Variants in RTKN2 observed in about 807,000 individuals in gnomAD.
RTKN2 encodes rhotekin-2.
RTKN2 carries 69 observed loss-of-function variants against 71.5 expected under a neutral mutation model. The ratio of observed to expected loss-of-function variants is 0.96; its 90% CI spans 0.79 to 1.18. The LOEUF is 1.18. Among genes scored for constraint, RTKN2 ranks in the 50% most tolerant of loss-of-function variants. The pLI is 0.00. For missense variants in RTKN2, 724 were observed against 719.7 expected, an observed-to-expected ratio of 1.01 and a Z score of -0.07; for synonymous variants, 236 against 236.5, an observed-to-expected ratio of 1.00 and a Z score of 0.02.
At chr10:62,186,148 G>C (rs1269114747) in intron 8 of RTKN2, among the ~76,000 whole-genome samples, 2 of 152,324 alleles carry the variant, frequency 1.3e-5, no homozygotes, top group African/African-American at 4.8e-5. Flanking sequence ...GCCTTTGTTT[G>C]CTCCATGCCT....
At chr10:62,234,888 A>G (rs1311169459) in intron 6 of RTKN2, among the ~76,000 whole-genome samples, 3 of 152,214 alleles carry the variant, frequency 2.0e-5, no homozygotes, top group Admixed American at 6.5e-5. Context: ...CAATTTTAAC[A>G]TTACTGAAAG....
chr10:62,227,227 A>G (rs1018377026), intron 6 of RTKN2, among the ~76,000 whole-genome samples: 26 of 152,302 alleles, frequency 1.7e-4, no homozygotes, highest in African/African-American at 6.3e-4. Flanking sequence ...TTATACAGGA[A>G]GAAAAATAGA....
intron 6 of RTKN2, among the ~76,000 whole-genome samples, chr10:62,233,631 G>GT (rs1364481464): frequency 3.9e-5 from 6 of 152,012 alleles, no homozygotes; most frequent in Non-Finnish European, 7.4e-5. Context: ...ATTGTAAATA[G>GT]TAAGGGTTAA....
chr10:62,223,493 A>C (rs1016085051), intron 6 of RTKN2, among the ~76,000 whole-genome samples, 161 bp from the exon 7 acceptor site: 3 of 152,184 alleles, frequency 2.0e-5, no homozygotes, highest in African/African-American at 7.2e-5. Flanking sequence ...CCAGCATTAC[A>C]TTCTGACACA....
At chr10:62,255,800 G>C (rs1373847081) in intron 2 of RTKN2, among the ~76,000 whole-genome samples, 1 of 152,174 alleles carries the variant, frequency 6.6e-6, no homozygotes, top group Non-Finnish European at 1.5e-5. Flanking sequence ...TTACCTGGTG[G>C]TAAGACCAGA....
At chr10:62,224,345 T>A (rs113145381) in intron 6 of RTKN2, among the ~76,000 whole-genome samples, 4 of 143,484 alleles carry the variant, frequency 2.8e-5, no homozygotes, top group African/African-American at 5.1e-5. Context: ...AAAGAAAAAA[T>A]TTAGATATAA....
At chr10:62,213,839 C>A (rs751267146) in intron 9 of RTKN2, among the ~76,000 whole-genome samples, 2 of 151,558 alleles carry the variant, frequency 1.3e-5, no homozygotes, top group Non-Finnish European at 2.9e-5. Flanking sequence ...ACATTTGAAT[C>A]ATTTTGTAAG....
chr10:62,253,313 G>A (rs781690321), intron 2 of RTKN2, among the ~76,000 whole-genome samples: 2 of 152,128 alleles, frequency 1.3e-5, no homozygotes, highest in Admixed American at 6.5e-5. Flanking sequence ...CGCAAGTACC[G>A]AATGTACCAA....
rs1286803165 is a variant in RTKN2 at position 62,193,470 on chromosome 10, TGTAAAG to T, written c.*4432_*4437del. On this transcript the variant is annotated 3_prime_UTR_variant, in exon 12 of 12. Transcript: ENST00000373789. ...GTAACTTTTTTTGTTGTTAATTGAA[TGTAAAG>T]GTAGTTTGTTTCTCTAAGCACATTG... The T allele has an allele frequency of 4.1e-6, 4 of 983,000 alleles. No individual in the cohort carries two copies. Among genetic ancestry groups the T allele is most frequent in the East Asian group, 1.1e-4 (1 of 8,810 alleles). The allele number at this position is 983,000 out of a possible 1,614,324, so 60.9% of individuals were successfully genotyped here. A position where few individuals can be genotyped will look rare whatever the true frequency, so the allele number is the denominator to read the frequency against.
At chr10:62,255,329 A>C (rs1842654954) in intron 2 of RTKN2, among the ~76,000 whole-genome samples, 2 of 152,212 alleles carry the variant, frequency 1.3e-5, no homozygotes, top group Non-Finnish European at 2.9e-5. Flanking sequence ...TTTGGCATTC[A>C]AAATATGATT....
Position 62,197,674 on chromosome 10 carries a change from T to C in RTKN2, c.*234A>G. 1 of 1,317,298 alleles carries C rather than the reference T, an allele frequency of 7.6e-7. No homozygotes were observed. The highest frequency in any genetic ancestry group is 9.6e-7 in the Non-Finnish European group (1 of 1,036,792). 81.6% of individuals were successfully genotyped at this position (1,317,298 alleles called of 1,614,324 possible). On this transcript the variant is annotated 3_prime_UTR_variant, in exon 12 of 12. Transcript: ENST00000373789. ...ATTAACCCTTCCAACAATTAGGATATTGTCTAGAAACTGCCTCTTGCACAC... is the reference window on the plus strand; with the variant it reads ...ATTAACCCTTCCAACAATTAGGATACTGTCTAGAAACTGCCTCTTGCACAC...
At chr10:62,246,079 T>G (rs368503161) in intron 2 of RTKN2, 22 bp from the exon 3 acceptor site, 2 of 1,499,250 alleles carry the variant, frequency 1.3e-6, no homozygotes, top group Non-Finnish European at 1.8e-6. Flanking sequence ...AAAAAACTTA[T>G]GGAAAAAAGA....
Position 62,193,717 on chromosome 10 carries a change from C to T in RTKN2, c.*4191G>A. 7 of 985,122 alleles carry T rather than the reference C, an allele frequency of 7.1e-6. No individual in the cohort carries two copies. Among genetic ancestry groups the T allele is most frequent in the Non-Finnish European group, 8.4e-6 (7 of 829,734 alleles). The allele number at this position is 985,122 out of a possible 1,614,324, so 61.0% of individuals were successfully genotyped here. ...TAGTAGCGACTGAATATCCTACGTACCTAATTTACTGCAGTGGCTTAAGCT... is the reference window on the plus strand; with the variant it reads ...TAGTAGCGACTGAATATCCTACGTATCTAATTTACTGCAGTGGCTTAAGCT... On this transcript the variant is annotated 3_prime_UTR_variant, in exon 12 of 12. Coordinates refer to ENST00000373789, the MANE Select transcript of RTKN2 (RefSeq NM_145307.4).
In RTKN2 at chr10:62,268,816, C is replaced by G. The variant is rs1408881849; in HGVS notation, c.-206G>C. The G allele has an allele frequency of 1.8e-5, 10 of 549,464 alleles. No individual in the cohort carries two copies. The highest frequency in any genetic ancestry group is 3.2e-5 in the Non-Finnish European group (10 of 317,342). 34.0% of individuals were successfully genotyped at this position (549,464 alleles called of 1,614,324 possible). On this transcript the variant is annotated 5_prime_UTR_variant, in exon 1 of 12. Transcript: ENST00000373789. ...TGCAGCTCCCGCCGCCGGAAGTTGC[C>G]GAGACCCCAGGCTCTAGCGCGGCGG...
intron 9 of RTKN2, chr10:62,214,979 A>C: frequency 2.4e-6 from 2 of 828,830 alleles, no homozygotes; most frequent in Non-Finnish European, 3.8e-6. Context: ...TTCACTTGTA[A>C]AAGAAATAAT....
At chr10:62,256,958 C>CA (rs996360397) in intron 2 of RTKN2, among the ~76,000 whole-genome samples, 70 of 145,260 alleles carry the variant, frequency 4.8e-4, no homozygotes, top group African/African-American at 1.2e-3. Context: ...AAGAAGGTGA[C>CA]AAAAAAAAAA....
At chr10:62,217,569 T>C (rs1347125533) in intron 8 of RTKN2, among the ~76,000 whole-genome samples, 1 of 152,198 alleles carries the variant, frequency 6.6e-6, no homozygotes, top group Non-Finnish European at 1.5e-5. Flanking sequence ...CTTAGAATTC[T>C]ATAGCAATTC....
At chr10:62,224,037 C>T (rs191852704) in intron 6 of RTKN2, among the ~76,000 whole-genome samples, 91 of 152,172 alleles carry the variant, frequency 6.0e-4, no homozygotes, top group African/African-American at 2.0e-3. Context: ...AAAATTCTGA[C>T]ATACTACGAC....
downstream of RTKN2, among the ~76,000 whole-genome samples, chr10:62,191,343 C>T (rs1407405481): frequency 6.6e-6 from 1 of 152,154 alleles, no homozygotes; most frequent in African/African-American, 2.4e-5. Flanking sequence ...CAAGGTTTCA[C>T]TACATTGCCC....
Sources: allele counts gnomAD v4.1 joint callset (sites outside exome capture counted in the v4.1 genomes callset), GRCh38; gene constraint gnomAD v4.1.1; transcripts MANE v1.5; gene names NCBI Gene and HGNC (gene_info 2026-07-23, HGNC 2026-07-21).